The following DNAJA3 variants were observed in gnomAD, a reference collection of about 807,000 sequenced individuals.
DNAJA3 encodes dnaJ homolog subfamily A member 3, mitochondrial.
In DNAJA3, 29 loss-of-function variants were observed where a neutral mutation model predicts 54.9. The ratio of observed to expected loss-of-function variants is 0.53; its 90% CI spans 0.39 to 0.72. The LOEUF is 0.72. Among genes scored for constraint, DNAJA3 ranks in the 30% least tolerant of loss-of-function variants. DNAJA3 has a pLI of 0.00. For missense variants in DNAJA3, 708 were observed against 639.4 expected, an observed-to-expected ratio of 1.11 and a Z score of -1.16; for synonymous variants, 302 against 251.4, an observed-to-expected ratio of 1.20 and a Z score of -1.90.
At chr16:4,428,145 G>T (rs994674705) in intron 1 of DNAJA3, among the ~76,000 whole-genome samples, 1 of 151,974 alleles carries the variant, frequency 6.6e-6, no homozygotes, top group South Asian at 2.1e-4. Flanking sequence ...TAGAGACAGG[G>T]TTTCACCGTG....
At chr16:4,428,016 A>G (rs899061267) in intron 1 of DNAJA3, among the ~76,000 whole-genome samples, 1 of 150,814 alleles carries the variant, frequency 6.6e-6, no homozygotes, top group Non-Finnish European at 1.5e-5. Context: ...CAGTGGCGCT[A>G]TCTCAGCTCA....
At chr16:4,449,385 CT>C (rs375288022) in intron 9 of DNAJA3, among the ~76,000 whole-genome samples, 4 of 148,822 alleles carry the variant, frequency 2.7e-5, no homozygotes, top group Admixed American at 6.7e-5. Flanking sequence ...TGATTTTCTT[CT>C]TTTTTTTTTG....
Position 4,444,746 on chromosome 16 carries a change from C to T in DNAJA3, c.996+18C>T. 6.2e-7 allele frequency: 1 copy of T among 1,611,146 alleles called. No individual in the cohort carries two copies. Among genetic ancestry groups the T allele is most frequent in the Non-Finnish European group, 8.5e-7 (1 of 1,177,598 alleles). On this transcript the variant is annotated intron_variant, in intron 7 of 11. Coordinates refer to ENST00000262375, the MANE Select transcript of DNAJA3 (RefSeq NM_005147.6). Reference sequence around the variant, plus strand: ...CGTTCAGGGTAGGTGCCCTGCCCCGCACAGCTTCTGTTGGGCCTTTCCTCT... The same window carrying T: ...CGTTCAGGGTAGGTGCCCTGCCCCGTACAGCTTCTGTTGGGCCTTTCCTCT...
Position 4,430,500 on chromosome 16 carries a change from T to C in DNAJA3, c.212-3884T>C, listed in dbSNP as rs1471925641. 6.0e-5 allele frequency: 9 copies of C among 151,128 alleles called. No homozygotes were observed. The East Asian group carries it at 1.8e-3, about 30-fold the overall frequency. 9.4% of individuals were successfully genotyped at this position (151,128 alleles called of 1,614,324 possible). On this transcript the variant is annotated intron_variant, in intron 1 of 11. Coordinates refer to ENST00000262375, the MANE Select transcript of DNAJA3 (RefSeq NM_005147.6). ...ATCGCTTGAACCCAGGAGGCAGAGG[T>C]TGCAGTGAGCCGAGATCGCGCCACT...
intron 11 of DNAJA3, chr16:4,455,342 C>G (rs911455653): frequency 6.4e-6 from 4 of 628,524 alleles, no homozygotes; most frequent in Non-Finnish European, 1.1e-5. Flanking sequence ...CAGGGCTGTG[C>G]AAGCCTGGGG....
At chr16:4,431,694 C>T (rs564043235) in intron 1 of DNAJA3, 10 of 152,270 alleles carry the variant, frequency 6.6e-5, no homozygotes, top group African/African-American at 2.4e-4. Context: ...TCTCATGCCT[C>T]AGCCTCCCAA....
chr16:4,440,999 A>C (rs2056830270), intron 3 of DNAJA3: 2 of 224,270 alleles, frequency 8.9e-6, no homozygotes, highest in Admixed American at 1.0e-4. Context: ...CCTTTCGATG[A>C]AGGTAAGGGT....
chr16:4,429,474 G>C (rs2056666830), intron 1 of DNAJA3, among the ~76,000 whole-genome samples: 2 of 151,904 alleles, frequency 1.3e-5, no homozygotes, highest in South Asian at 2.1e-4. Flanking sequence ...GTCCACCTCA[G>C]CCTCCTAAAG....
chr16:4,440,295 A>AG (rs1241950570), intron 3 of DNAJA3: 1 of 152,166 alleles, frequency 6.6e-6, no homozygotes, highest in Admixed American at 6.6e-5. Context: ...CATAAAAAAA[A>AG]GATACAAAGT....
chr16:4,433,871 G>T, intron 1 of DNAJA3: 1 of 156,968 alleles, frequency 6.4e-6, no homozygotes, highest in Non-Finnish European at 1.4e-5. Flanking sequence ...GAATACTGTG[G>T]CTTCCTTAGC....
At chr16:4,441,309 A>T in intron 3 of DNAJA3, 66 bp from the exon 4 acceptor site, 2 of 1,443,666 alleles carry the variant, frequency 1.4e-6, no homozygotes. Context: ...TTTGCTGTGA[A>T]CTCTTGTCTG....
rs1343999570 is a variant in DNAJA3 at position 4,454,898 on chromosome 16, A to G, written c.1427A>G (p.Lys476Arg). The change falls in exon 11 of 12, where the codon AAA becomes AGA. Residue 476 changes from lysine (K) to arginine (R), a missense_variant. Coordinates refer to ENST00000262375, the MANE Select transcript of DNAJA3 (RefSeq NM_005147.6). ...DEEGFLSKLK[K>R]MFTS ...GAGGGATTCCTTTCCAAACTTAAGAAAATGTTTACCTCATGATATCCCAGC... is the reference window on the plus strand; with the variant it reads ...GAGGGATTCCTTTCCAAACTTAAGAGAATGTTTACCTCATGATATCCCAGC... 3.1e-6 allele frequency: 5 copies of G among 1,613,692 alleles called. No homozygotes were observed. The East Asian group carries it at 1.1e-4, about 36-fold the overall frequency.
intron 10 of DNAJA3, 31 bp downstream of exon 10, chr16:4,450,528 G>T (rs375081443): frequency 1.3e-5 from 20 of 1,554,136 alleles, no homozygotes; most frequent in Non-Finnish European, 1.6e-5. Flanking sequence ...ATGGTGACAC[G>T]TGGGGGCCTC....
At chr16:4,450,364 C>A (rs576761375) in intron 9 of DNAJA3, 36 bp from the exon 10 acceptor site, 9 of 1,535,326 alleles carry the variant, frequency 5.9e-6, no homozygotes, top group Non-Finnish European at 7.9e-6. Context: ...AGCTTCCCGG[C>A]GGAAGCCTTG....
intron 6 of DNAJA3, 32 bp from the exon 7 acceptor site, chr16:4,444,632 C>T (rs750188043): frequency 6.2e-7 from 1 of 1,607,162 alleles, no homozygotes; most frequent in South Asian, 1.1e-5. Flanking sequence ...CCGCGTCCTG[C>T]CTAACTTCTC....
chr16:4,436,356 C>G (rs2056772033), intron 2 of DNAJA3, among the ~76,000 whole-genome samples: 1 of 152,004 alleles, frequency 6.6e-6, no homozygotes, highest in Non-Finnish European at 1.5e-5. Flanking sequence ...ATTTGAGGCC[C>G]TTAGTAAGTC....
In DNAJA3 at chr16:4,426,000, G is replaced by A. The variant is rs752104092; in HGVS notation, c.119G>A (p.Ser40Asn). Reference protein sequence around the residue: ...PREGVVGAWLSRKLSVPAFAS... With the variant: ...PREGVVGAWLNRKLSVPAFAS... The stretch of plus-strand genomic sequence containing the variant: ...GAGGGCGTGGTGGGGGCATGGCTGA[G>A]CCGCAAGCTGAGCGTCCCCGCCTTT... The change falls in exon 1 of 12, where the codon AGC (serine) becomes AAC (asparagine). Residue 40 changes from serine to asparagine, a missense_variant. Physicochemically the swap from Ser to Asn is conservative, Grantham distance 46. Transcript: ENST00000262375. 9 of 1,603,728 alleles carry A rather than the reference G, an allele frequency of 5.6e-6. No homozygotes were observed. Among genetic ancestry groups the A allele is most frequent in the Non-Finnish European group, 6.0e-6 (7 of 1,175,996 alleles).
chr16:4,435,133 C>G (rs1159169563), intron 2 of DNAJA3, among the ~76,000 whole-genome samples: 1 of 152,038 alleles, frequency 6.6e-6, no homozygotes, highest in East Asian at 1.9e-4. Context: ...CTCCTGACCT[C>G]AGGTGATCCA....
chr16:4,451,672 G>A (rs769291963), intron 10 of DNAJA3, among the ~76,000 whole-genome samples: 1 of 147,220 alleles, frequency 6.8e-6, no homozygotes, highest in Non-Finnish European at 1.5e-5. Context: ...CAGGAGAATC[G>A]CTTGAACCCA....
Sources: allele counts gnomAD v4.1 joint callset (sites outside exome capture counted in the v4.1 genomes callset), GRCh38; gene constraint gnomAD v4.1.1; transcripts MANE v1.5; gene names NCBI Gene and HGNC (gene_info 2026-07-23, HGNC 2026-07-21).